Variants in ABCC4 observed in about 807,000 individuals in gnomAD.
ABCC4 encodes the protein ATP-binding cassette sub-family C member 4.
ABCC4 carries 102 observed loss-of-function variants against 168.5 expected under a neutral mutation model. The observed-to-expected ratio is 0.61, with a 90% CI of 0.52 to 0.71. The LOEUF is 0.71. Ranked by LOEUF, ABCC4 falls within the 30% of genes least tolerant of loss-of-function variation. ABCC4 has a pLI of 0.00. For synonymous variants in ABCC4, 617 were observed against 590.7 expected, an observed-to-expected ratio of 1.04 and a Z score of -0.65; for missense variants, 1,402 against 1,605.8, an observed-to-expected ratio of 0.87 and a Z score of 2.17.
At chr13:95,179,529 T>A (rs2766473) in intron 11 of ABCC4, among the ~76,000 whole-genome samples, 131,961 of 152,132 alleles carry the variant, frequency 0.87, 57,444 homozygotes, top group African/African-American at 0.91. Context: ...ATACTTTTTT[T>A]AAAAAACATG....
intron 4 of ABCC4, among the ~76,000 whole-genome samples, chr13:95,234,275 T>C (rs1267221856): frequency 6.6e-6 from 1 of 152,216 alleles, no homozygotes; most frequent in African/African-American, 2.4e-5. Flanking sequence ...TATTTTTAAT[T>C]AGATTTCATT....
chr13:95,094,601 T>C (rs2034532559), intron 20 of ABCC4, among the ~76,000 whole-genome samples: 1 of 152,150 alleles, frequency 6.6e-6, no homozygotes, highest in African/African-American at 2.4e-5. Flanking sequence ...CTTCTAGACA[T>C]TGGTTTAGGC....
chr13:95,079,038 A>G (rs2034003402), intron 21 of ABCC4, among the ~76,000 whole-genome samples: 1 of 152,162 alleles, frequency 6.6e-6, no homozygotes, highest in South Asian at 2.1e-4. Context: ...ATTCACACCA[A>G]ATTACCAAGG....
chr13:95,188,762 C>T (rs1439597562), intron 9 of ABCC4, among the ~76,000 whole-genome samples: 3 of 152,136 alleles, frequency 2.0e-5, no homozygotes, highest in Non-Finnish European at 4.4e-5. Flanking sequence ...AAGGAAGGCC[C>T]ATTCCCTTTT....
rs2031907639 is a variant in ABCC4, at chr13:95,032,231, CT to C, written c.3870+2373del. On this transcript the variant is annotated intron_variant, in intron 30 of 30. Transcript: ENST00000645237. The stretch of plus-strand genomic sequence containing the variant: ...AGCCAGGCTTGAATCCGGACTCTGC[CT>C]ATAATTCTGCTAGCTATGAGATCAT... 2.6e-5 allele frequency among the ~76,000 whole-genome samples: 4 copies of C among 152,356 alleles called. No individual in the cohort carries two copies. The South Asian group carries it at 8.3e-4, about 32-fold the overall frequency.
chr13:95,124,844 C>T (rs1328705372), intron 19 of ABCC4, among the ~76,000 whole-genome samples: 1 of 149,926 alleles, frequency 6.7e-6, no homozygotes, highest in Non-Finnish European at 1.5e-5. Context: ...CACCACTGTA[C>T]TCCAGGCTGG....
At position 95,178,012 on chromosome 13, in the gene ABCC4, C is replaced by T. The variant is rs2037766238; in HGVS notation, c.1625G>A (p.Arg542Gln). 5 of 1,614,178 alleles carry T rather than the reference C, an allele frequency of 3.1e-6. No individual in the cohort carries two copies. The highest frequency in any genetic ancestry group is 2.2e-5 in the East Asian group (1 of 44,888). ...GTTLSGGQKA[R>Q]VNLARAVYQD... The stretch of plus-strand genomic sequence containing the variant: ...TGCAACTTACCTTGCAAGGTTTACC[C>T]GTGCTTTCTGCCCTCCACTCAGCGT... The change falls in exon 12 of 31, where the codon CGG becomes CAG. Residue 542 changes from arginine (R) to glutamine (Q), a missense_variant. Around this residue, in one of 3 missense-constraint regions of ABCC4, gnomAD observed 1,007 missense variants for 1,127.3 expected, o/e 0.89. Transcript: ENST00000645237.
At chr13:95,212,209 A>G (rs751049965) in intron 4 of ABCC4, among the ~76,000 whole-genome samples, 9 of 151,620 alleles carry the variant, frequency 5.9e-5, no homozygotes, top group Non-Finnish European at 1.3e-4. Flanking sequence ...TTATGCAAAT[A>G]TAAGTGAATC....
chr13:95,041,803 T>G (rs1380988049), intron 29 of ABCC4, among the ~76,000 whole-genome samples: 4 of 152,242 alleles, frequency 2.6e-5, no homozygotes, highest in African/African-American at 9.6e-5. Context: ...ATACAGGAGA[T>G]GCTTTCAGCT....
At chr13:95,169,293 C>G (rs778814865) in intron 14 of ABCC4, among the ~76,000 whole-genome samples, 3 of 152,238 alleles carry the variant, frequency 2.0e-5, no homozygotes, top group Non-Finnish European at 2.9e-5. Flanking sequence ...CCCCTTATTT[C>G]TGTCTTGTGA....
At chr13:95,159,275 A>T (rs1197986439) in intron 19 of ABCC4, among the ~76,000 whole-genome samples, 1 of 151,646 alleles carries the variant, frequency 6.6e-6, no homozygotes, top group Non-Finnish European at 1.5e-5. Context: ...TTTAATTTTT[A>T]CATTTTTTCA....
At chr13:95,077,628 G>A (rs1339312175) in intron 21 of ABCC4, among the ~76,000 whole-genome samples, 1 of 151,380 alleles carries the variant, frequency 6.6e-6, no homozygotes, top group Non-Finnish European at 1.5e-5. Flanking sequence ...GTGAGCCACC[G>A]TGCGTGGCCA....
intron 19 of ABCC4, among the ~76,000 whole-genome samples, chr13:95,127,249 G>C (rs1201073191): frequency 6.6e-6 from 1 of 151,888 alleles, no homozygotes; most frequent in Admixed American, 6.6e-5. Context: ...TCGTCTTTTC[G>C]AGATATTTAT....
intron 25 of ABCC4, among the ~76,000 whole-genome samples, chr13:95,069,643 C>A (rs2033661110): frequency 6.6e-6 from 1 of 152,108 alleles, no homozygotes; most frequent in Non-Finnish European, 1.5e-5. Context: ...GCCCACCATC[C>A]TACTTTCTGT....
chr13:95,053,097 C>T lies in ABCC4; in HGVS notation c.3454G>A (p.Glu1152Lys), dbSNP rs1280057214. 1.2e-6 allele frequency: 2 copies of T among 1,612,736 alleles called. No homozygotes were observed. Among genetic ancestry groups the T allele is most frequent in the Non-Finnish European group, 1.7e-6 (2 of 1,178,738 alleles). Residue 1152 changes from glutamate to lysine, a missense_variant and splice_region_variant, in exon 27 of 31, where the codon GAG becomes AAG. By Grantham distance (56) the Glu-to-Lys change is moderately conservative. Transcript: ENST00000645237. ...TDEELWNALQ[E>K]VQLKETIEDL... ...GATAATTACATTTTATCAATTACCT[C>T]TTGTAAGGCATTCCACAGTTCCTCA...
chr13:95,185,896 C>T (rs918798456), intron 11 of ABCC4, among the ~76,000 whole-genome samples: 3 of 151,932 alleles, frequency 2.0e-5, no homozygotes, highest in African/African-American at 4.8e-5. Context: ...AAAACAGTTT[C>T]CTTTAAATAA....
intron 20 of ABCC4, among the ~76,000 whole-genome samples, chr13:95,086,923 G>A (rs547201503): frequency 1.0e-3 from 158 of 152,220 alleles, no homozygotes; most frequent in African/African-American, 3.6e-3. Flanking sequence ...CACAGAAAGT[G>A]GAAAGCTTTT....
chr13:95,056,176 T>A (rs1376829730), intron 26 of ABCC4, among the ~76,000 whole-genome samples: 1 of 152,092 alleles, frequency 6.6e-6, no homozygotes, highest in Non-Finnish European at 1.5e-5. Context: ...CCTAATCTTG[T>A]CCCAAACCAG....
chr13:95,119,760 A>G (rs985226919), intron 19 of ABCC4, among the ~76,000 whole-genome samples: 1 of 152,212 alleles, frequency 6.6e-6, no homozygotes, highest in Non-Finnish European at 1.5e-5. Flanking sequence ...ACACTTAAAT[A>G]TGAAGATATT....
Sources: allele counts gnomAD v4.1 joint callset (sites outside exome capture counted in the v4.1 genomes callset), GRCh38; gene constraint gnomAD v4.1.1; regional missense constraint gnomAD v4.1.1; transcripts MANE v1.5; gene names NCBI Gene and HGNC (gene_info 2026-07-23, HGNC 2026-07-21).